The following ZNF610 variants were observed in gnomAD, a reference collection of about 807,000 sequenced individuals.
ZNF610 encodes zinc finger protein 610.
A neutral mutation model predicts 14.1 loss-of-function variants in ZNF610; 14 were observed. That is an observed-to-expected ratio of 0.99 (90% CI 0.65 to 1.55). The LOEUF (loss-of-function observed/expected upper bound fraction) is 1.55, where lower values mean the gene tolerates loss of function less well. ZNF610 is among the 40% of genes most tolerant of loss of function. The pLI is 0.00. For synonymous variants in ZNF610, 185 were observed against 187.6 expected, an observed-to-expected ratio of 0.99 and a Z score of 0.11; for missense variants, 530 against 558.0, an observed-to-expected ratio of 0.95 and a Z score of 0.51.
intron 5 of ZNF610, among the ~76,000 whole-genome samples, chr19:52,359,163 A>C (rs1055141424): frequency 3.3e-5 from 5 of 152,198 alleles, no homozygotes; most frequent in Non-Finnish European, 7.3e-5. Flanking sequence ...GGATGAGTTT[A>C]TTTATGAAGA....
At chr19:52,365,183 GCTGAGGTGGTGCCA>G in intron 5 of ZNF610, among the ~76,000 whole-genome samples, 1 of 151,486 alleles carries the variant, frequency 6.6e-6, no homozygotes, top group South Asian at 2.1e-4. Context: ...GTTGCAGTGA[GCTGAGGTGGTGCCA>G]CTGCACTCCA....
At chr19:52,344,852 G>A (rs531824913) in intron 1 of ZNF610, among the ~76,000 whole-genome samples, 2 of 152,210 alleles carry the variant, frequency 1.3e-5, no homozygotes, top group Admixed American at 6.6e-5. Context: ...GTGCAATATC[G>A]GCTCACTGCA....
chr19:52,356,229 T>A (rs1271340414), intron 5 of ZNF610, among the ~76,000 whole-genome samples: 1 of 152,162 alleles, frequency 6.6e-6, no homozygotes, highest in Non-Finnish European at 1.5e-5. Context: ...TTTACTGGTG[T>A]GTGTCACAGG....
At chr19:52,364,045 G>A (rs1015627815) in intron 5 of ZNF610, among the ~76,000 whole-genome samples, 1 of 152,104 alleles carries the variant, frequency 6.6e-6, no homozygotes, top group Non-Finnish European at 1.5e-5. Context: ...TAAGATTGAA[G>A]TTACATAAAA....
At chr19:52,339,544 T>C (rs1984569423) in intron 1 of ZNF610, among the ~76,000 whole-genome samples, 1 of 152,172 alleles carries the variant, frequency 6.6e-6, no homozygotes, top group South Asian at 2.1e-4. Flanking sequence ...TGCACAGCCC[T>C]AAATCCATTA....
chr19:52,357,066 G>A (rs1985557126), intron 5 of ZNF610, among the ~76,000 whole-genome samples: 1 of 152,134 alleles, frequency 6.6e-6, no homozygotes, highest in Admixed American at 6.5e-5. Context: ...TTCAGACACG[G>A]GTCATAAGTC....
At chr19:52,347,367 T>C (rs1357120027) in intron 1 of ZNF610, 1 of 152,206 alleles carries the variant, frequency 6.6e-6, no homozygotes, top group Non-Finnish European at 1.5e-5. Flanking sequence ...TTTGTACAGC[T>C]ATATAACGTG....
At chr19:52,349,636 G>A (rs1600233492) in intron 3 of ZNF610, among the ~76,000 whole-genome samples, 1 of 150,718 alleles carries the variant, frequency 6.6e-6, no homozygotes, top group East Asian at 2.0e-4. Context: ...GCAGTGGCAC[G>A]ATCTCGACTC....
chr19:52,355,970 C>T (rs1239983070), intron 5 of ZNF610, among the ~76,000 whole-genome samples: 1 of 152,210 alleles, frequency 6.6e-6, no homozygotes. Flanking sequence ...TCTCCAGCCC[C>T]TCTCCTAGAA....
upstream of ZNF610, among the ~76,000 whole-genome samples, chr19:52,334,095 C>T (rs1984265836): frequency 6.6e-6 from 1 of 152,124 alleles, no homozygotes; most frequent in South Asian, 2.1e-4. Flanking sequence ...AAAACCCATA[C>T]AAAACTAGTA....
chr19:52,336,287 C>G lies in ZNF610; in HGVS notation c.-477C>G. On this transcript the variant is annotated 5_prime_UTR_variant, in exon 1 of 6. Coordinates refer to ENST00000403906, the MANE Select transcript of ZNF610 (RefSeq NM_001161425.2). ...GCGTGGGTAGAAGGTCACACCGCAG[C>G]GCGTCAGTTTCCCTTTGTTTAGATT... 3.6e-6 allele frequency: 1 copy of G among 277,960 alleles called. No homozygotes were observed. The highest frequency in any genetic ancestry group is 6.8e-6 in the Non-Finnish European group (1 of 146,900). The allele number at this position is 277,960 out of a possible 1,614,324, so 17.2% of individuals were successfully genotyped here.
chr19:52,350,566 T>A (rs1317752749), intron 3 of ZNF610, among the ~76,000 whole-genome samples: 2 of 152,068 alleles, frequency 1.3e-5, no homozygotes, highest in Non-Finnish European at 2.9e-5. Context: ...TAATCCCAGC[T>A]ACCACAGAGG....
In ZNF610 at chr19:52,365,802, G is replaced by A. The variant is rs772978421; in HGVS notation, c.424G>A (p.Gly142Arg). ...HLSELQLFQA[G>R]RKIYRSNQVE... The stretch of plus-strand genomic sequence containing the variant: ...GTCTGAATTGCAGCTGTTTCAAGCC[G>A]GAAGGAAAATTTACAGAAGTAATCA... Residue 142 changes from glycine to arginine, a missense_variant, in exon 6 of 6, where the codon GGA (glycine) becomes AGA (arginine). Physicochemically the swap from Gly to Arg is moderately radical, Grantham distance 125 (BLOSUM62 -2). Coordinates refer to ENST00000403906, the MANE Select transcript of ZNF610 (RefSeq NM_001161425.2). 2.2e-5 allele frequency: 35 copies of A among 1,614,010 alleles called. No homozygotes were observed. The highest frequency in any genetic ancestry group is 1.6e-4 in the Middle Eastern group (1 of 6,084).
chr19:52,357,592 C>G (rs1009534435), intron 5 of ZNF610, among the ~76,000 whole-genome samples: 2 of 126,230 alleles, frequency 1.6e-5, no homozygotes, highest in Admixed American at 1.1e-4. Flanking sequence ...TTGCAGTGAG[C>G]GGAGATGGTG....
At chr19:52,351,016 G>A (rs1030975769) in intron 3 of ZNF610, among the ~76,000 whole-genome samples, 1 of 152,066 alleles carries the variant, frequency 6.6e-6, no homozygotes, top group African/African-American at 2.4e-5. Context: ...TATTTATACA[G>A]CATTATGGTA....
intron 1 of ZNF610, chr19:52,345,030 C>T (rs901598100): frequency 3.3e-5 from 5 of 152,240 alleles, no homozygotes; most frequent in African/African-American, 1.2e-4. Flanking sequence ...AATCCACCTA[C>T]CTTGGCCTCC....
At chr19:52,349,121 C>A (rs1342956601) in intron 2 of ZNF610, 33 bp from the exon 3 acceptor site, 4 of 1,505,304 alleles carry the variant, frequency 2.7e-6, no homozygotes, top group Non-Finnish European at 3.7e-6. Flanking sequence ...TGTGTTGATT[C>A]CGAGCAGTAA....
intron 1 of ZNF610, among the ~76,000 whole-genome samples, chr19:52,342,433 G>A (rs1159720351): frequency 1.3e-5 from 2 of 151,472 alleles, no homozygotes; most frequent in Non-Finnish European, 2.9e-5. Context: ...TTCTTTCCCT[G>A]TCAGCAGCAA....
Position 52,365,981 on chromosome 19 carries a change from TTATGAA to T in ZNF610, c.611_616del (p.Tyr204_Glu205del), listed in dbSNP as rs747301424. ...AGAAAGCATACATTAGAGGAAAATC[TTATGAA>T]TATGAATGTAGTGAAGATGGTGAAG... On this transcript the variant is annotated inframe_deletion, in exon 6 of 6. Coordinates refer to ENST00000403906, the MANE Select transcript of ZNF610 (RefSeq NM_001161425.2). 3.7e-6 allele frequency: 6 copies of T among 1,614,160 alleles called. No homozygotes were observed. The African/African-American group carries it at 6.7e-5, about 18-fold the overall frequency.
Sources: gnomAD v4.1 joint callset for allele counts (sites outside exome capture counted in the v4.1 genomes callset) on GRCh38, gnomAD v4.1.1 for gene constraint, MANE v1.5 for transcripts, NCBI Gene and HGNC (gene_info 2026-07-23, HGNC 2026-07-21) for gene names.